CA11: variants seen among roughly 807,000 people sequenced by gnomAD.
The protein encoded by CA11 is carbonic anhydrase-related protein 11.
CA11 carries 20 observed loss-of-function variants against 39.3 expected under a neutral mutation model. That is an observed-to-expected ratio of 0.51 (90% CI 0.36 to 0.74). The LOEUF is 0.74. Among genes scored for constraint, CA11 ranks in the 30% least tolerant of loss-of-function variants. The pLI, the probability that CA11 is intolerant of heterozygous loss-of-function variation, is 0.00. For synonymous variants in CA11, 166 were observed against 172.5 expected (o/e 0.96, Z 0.29); for missense variants, 336 against 424.6 (o/e 0.79, Z 1.83).
rs755181739 is a variant in CA11, at chr19:48,640,131, C to T, written c.435G>A (p.Ser145=). Residue 145 remains serine, a synonymous_variant, in exon 4 of 9, where the codon TCG becomes TCA. Coordinates refer to ENST00000084798, the MANE Select transcript of CA11 (RefSeq NM_001217.5). ...LLFGARDGAG[S]EHQINHQGFS... ...AGCCCTGGTGGTTGATCTGATGTTC[C>T]GAGCCGGCTCCGTCGCGAGCTCCAA... 1.4e-5 allele frequency: 23 copies of T among 1,613,752 alleles called. No individual in the cohort carries two copies. The Admixed American group carries it at 3.7e-4, about 26-fold the overall frequency.
chr19:48,641,823 CTTTTTTTTTTTT>C (rs71179023), intron 3 of CA11, among the ~76,000 whole-genome samples: 1 of 92,290 alleles, frequency 1.1e-5, no homozygotes, highest in Non-Finnish European at 2.2e-5. Flanking sequence ...TTTCAATTTT[CTTTTTTTTTTTT>C]TTTTTTTTTT....
chr19:48,644,237 G>C (rs7255644), intron 3 of CA11, among the ~76,000 whole-genome samples, 190 bp downstream of exon 3: 9,216 of 152,146 alleles, frequency 0.061, 483 homozygotes, highest in East Asian at 0.28. Flanking sequence ...CAGAGATGGG[G>C]AGACTAGGGG....
Position 48,638,077 on chromosome 19 carries a change from G to C in CA11, c.*42C>G. 1 of 1,431,600 alleles carries C rather than the reference G, an allele frequency of 7.0e-7. No homozygotes were observed. Among genetic ancestry groups the C allele is most frequent in the Non-Finnish European group, 9.2e-7 (1 of 1,083,278 alleles). The allele number at this position is 1,431,600 out of a possible 1,614,324, so 88.7% of individuals were successfully genotyped here. On this transcript the variant is annotated 3_prime_UTR_variant, in exon 9 of 9. Coordinates refer to ENST00000084798, the MANE Select transcript of CA11 (RefSeq NM_001217.5). ...TAGGGGTAACTCCCCTCGCCTTGTG[G>C]GGAGGCTTAGGACGGGCGGGTGCAA...
rs961355589 is a variant in CA11 at position 48,645,810 on chromosome 19, C to T, written c.-178G>A. 3.6e-6 allele frequency: 2 copies of T among 552,840 alleles called. No individual in the cohort carries two copies. Among genetic ancestry groups the T allele is most frequent in the Admixed American group, 7.1e-5 (2 of 28,178 alleles). 34.2% of individuals were successfully genotyped at this position (552,840 alleles called of 1,614,324 possible). On this transcript the variant is annotated 5_prime_UTR_variant, in exon 1 of 9. Coordinates refer to ENST00000084798, the MANE Select transcript of CA11 (RefSeq NM_001217.5). The stretch of plus-strand genomic sequence containing the variant: ...AGGGACTGAGATCCGCCCTTCAAAC[C>T]CACTCTTCTTCTCTCTCCCGTCTCT...
rs896513845 is a variant in CA11, at chr19:48,637,965, C to A, written c.*154G>T. On this transcript the variant is annotated 3_prime_UTR_variant, in exon 9 of 9. Transcript: ENST00000084798. ...GATTGGTTTCCGGAAGAAGTCTGTT[C>A]TTTAATACCCAAATGTTTCCCCACC... 2 of 473,350 alleles carry A rather than the reference C, an allele frequency of 4.2e-6. No individual in the cohort carries two copies. The highest frequency in any genetic ancestry group is 2.0e-5 in the African/African-American group (1 of 49,380). The allele number at this position is 473,350 out of a possible 1,614,324, so 29.3% of individuals were successfully genotyped here.
At chr19:48,645,189 TCCACTCACTC>T (rs1159768316) in intron 2 of CA11, among the ~76,000 whole-genome samples, 1 of 152,022 alleles carries the variant, frequency 6.6e-6, no homozygotes, top group African/African-American at 2.4e-5. Context: ...ACACTTTCCT[TCCACTCACTC>T]CCACTCACTA....
intron 8 of CA11, 120 bp downstream of exon 8, chr19:48,638,768 C>G: frequency 9.1e-7 from 1 of 1,098,928 alleles, no homozygotes; most frequent in Non-Finnish European, 1.3e-6. Context: ...AGACAGCTCA[C>G]GAGGCTAGAC....
chr19:48,646,015 C>A lies in CA11; in HGVS notation c.-383G>T. 2.5e-6 allele frequency: 1 copy of A among 402,390 alleles called. No homozygotes were observed. Among genetic ancestry groups the A allele is most frequent in the South Asian group, 1.0e-4 (1 of 9,850 alleles). 24.9% of individuals were successfully genotyped at this position (402,390 alleles called of 1,614,324 possible). On this transcript the variant is annotated 5_prime_UTR_variant, in exon 1 of 9. The change creates a premature stop within an existing upstream ORF in the 5' untranslated region. Coordinates refer to ENST00000084798, the MANE Select transcript of CA11 (RefSeq NM_001217.5). ...TCCCAAGCCACCTAACTCCAGGTCT[C>A]CATCCCGCATCTCCTCCTCCTCCTC...
Position 48,646,138 on chromosome 19 carries a change from A to G in CA11, c.-506T>C. 9.2e-6 allele frequency: 2 copies of G among 217,374 alleles called. No homozygotes were observed. Among genetic ancestry groups the G allele is most frequent in the Admixed American group, 6.1e-5 (1 of 16,352 alleles). The allele number at this position is 217,374 out of a possible 1,614,324, so 13.5% of individuals were successfully genotyped here. On this transcript the variant is annotated 5_prime_UTR_variant, in exon 1 of 9. Transcript: ENST00000084798. ...CGGCCTCCAGCTTCGTGCTCTCCCC[A>G]CCTCCTCCTCTCCTGCCTCTTCTCC...
Position 48,644,501 on chromosome 19 carries a change from C to T in CA11, c.211G>A (p.Val71Met), listed in dbSNP as rs772287725. 5 of 1,611,924 alleles carry T rather than the reference C, an allele frequency of 3.1e-6. No homozygotes were observed. The highest frequency in any genetic ancestry group is 3.3e-5 in the Admixed American group (2 of 59,906). The change falls in exon 3 of 9, where the codon GTG becomes ATG. Residue 71 changes from valine to methionine, a missense_variant. Val to Met is a conservative substitution (Grantham distance 21, BLOSUM62 1). Coordinates refer to ENST00000084798, the MANE Select transcript of CA11 (RefSeq NM_001217.5). ...AGAACCCTCTTCAGCTCCACATCCA[C>T]GGGGCTCTGCCGCTTCCCCACAGCA... Reference protein sequence around the residue: ...LCAVGKRQSPVDVELKRVLYD... With the variant: ...LCAVGKRQSPMDVELKRVLYD...
chr19:48,638,598 G>GCA (rs1406170025), intron 8 of CA11, among the ~76,000 whole-genome samples: 5 of 152,114 alleles, frequency 3.3e-5, no homozygotes, highest in African/African-American at 1.2e-4. Context: ...GTAATAGGAA[G>GCA]CACAGAACAG....
chr19:48,638,069 G>A lies in CA11; in HGVS notation c.*50C>T, dbSNP rs2030895174. ...CTTTGTTTTAGGGGTAACTCCCCTC[G>A]CCTTGTGGGGAGGCTTAGGACGGGC... is the stretch of plus-strand genomic sequence containing the variant. On this transcript the variant is annotated 3_prime_UTR_variant, in exon 9 of 9. Coordinates refer to ENST00000084798, the MANE Select transcript of CA11 (RefSeq NM_001217.5). 4 of 1,391,302 alleles carry A rather than the reference G, an allele frequency of 2.9e-6. No individual in the cohort carries two copies. Among genetic ancestry groups the A allele is most frequent in the Non-Finnish European group, 3.8e-6 (4 of 1,049,616 alleles). 86.2% of individuals were successfully genotyped at this position (1,391,302 alleles called of 1,614,324 possible).
chr19:48,640,351 T>TTCTG, intron 3 of CA11, 71 bp from the exon 4 acceptor site: 1 of 1,207,066 alleles, frequency 8.3e-7, no homozygotes, highest in Non-Finnish European at 1.2e-6. Flanking sequence ...CGCCTACATT[T>TTCTG]TCTGATTCCA....
At position 48,640,078 on chromosome 19, in the gene CA11, C is replaced by A. The variant is rs1463009228; in HGVS notation, c.471+17G>T. On this transcript the variant is annotated intron_variant, in intron 4 of 8. Transcript: ENST00000084798. Reference sequence around the variant, plus strand: ...CTCAGGGCGGAGGGTGGCGGGTAAACAATCAGTGGCCACTACCTCAGCAGA... The same window carrying A: ...CTCAGGGCGGAGGGTGGCGGGTAAAAAATCAGTGGCCACTACCTCAGCAGA... 1.2e-6 allele frequency: 2 copies of A among 1,606,938 alleles called. No homozygotes were observed. The highest frequency in any genetic ancestry group is 1.7e-6 in the Non-Finnish European group (2 of 1,174,470).
chr19:48,639,593 C>G lies in CA11; in HGVS notation c.596G>C (p.Ser199Thr). 1 of 1,613,964 alleles carries G rather than the reference C, an allele frequency of 6.2e-7. No homozygotes were observed. The highest frequency in any genetic ancestry group is 8.5e-7 in the Non-Finnish European group (1 of 1,179,960). The change falls in exon 6 of 9, where the codon AGT becomes ACT. Residue 199 changes from serine to threonine, a missense_variant. By Grantham distance (58) the Ser-to-Thr change is moderately conservative. Coordinates refer to ENST00000084798, the MANE Select transcript of CA11 (RefSeq NM_001217.5). ...GATGGTGTCGCGGTTAAGGAGGCGA[C>G]TGAGGAATGGGTTAGAGGTACTGGC... ...NVASTSNPFL[S>T]RLLNRDTITR...
rs753674639 is a variant in CA11, at chr19:48,639,048, G to A, written c.801C>T (p.His267=). The A allele has an allele frequency of 4.3e-6, 7 of 1,613,990 alleles. No homozygotes were observed. Among genetic ancestry groups the A allele is most frequent in the Non-Finnish European group, 5.9e-6 (7 of 1,179,946 alleles). The stretch of plus-strand genomic sequence containing the variant: ...GATTCTGGCTCAGGAGTCTCAGGGA[G>A]TGCATCTGCAGTGGAAGGAGGGTGG... ...RALNITSLQM[H]SLRLLSQNPP... The change falls in exon 8 of 9, where the codon CAC becomes CAT. Residue 267 remains histidine, a synonymous_variant. Coordinates refer to ENST00000084798, the MANE Select transcript of CA11 (RefSeq NM_001217.5).
chr19:48,639,457 C>T lies in CA11; in HGVS notation c.643G>A (p.Asp215Asn). ...CTCAGGTCTTGAAGAAAGTAGGCAT[C>T]ATCTGCGGGAATATCAGGCCAGAGT... ...DTITRISYKN[D>N]AYFLQDLSLE... Residue 215 changes from aspartate (D) to asparagine (N), a missense_variant and splice_region_variant, in exon 7 of 9, where the codon GAT (aspartate) becomes AAT (asparagine). Asp to Asn is a conservative substitution (Grantham distance 23). Coordinates refer to ENST00000084798, the MANE Select transcript of CA11 (RefSeq NM_001217.5). The T allele has an allele frequency of 6.2e-7, 1 of 1,613,948 alleles. No homozygotes were observed. The highest frequency in any genetic ancestry group is 8.5e-7 in the Non-Finnish European group (1 of 1,179,960).
chr19:48,639,635 C>T lies in CA11; in HGVS notation c.568-14G>A. On this transcript the variant is annotated splice_polypyrimidine_tract_variant and intron_variant, in intron 5 of 8. Transcript: ENST00000084798. ...GGTACTGGCAACCTGTGTGGGGGTA[C>T]GAGGTGAGGACACAGGAGCCCAGAA... 1 of 1,613,422 alleles carries T rather than the reference C, an allele frequency of 6.2e-7. No individual in the cohort carries two copies. Among genetic ancestry groups the T allele is most frequent in the Non-Finnish European group, 8.5e-7 (1 of 1,179,678 alleles).
At chr19:48,640,810 G>A (rs1243317700) in intron 3 of CA11, among the ~76,000 whole-genome samples, 1 of 152,046 alleles carries the variant, frequency 6.6e-6, no homozygotes, top group African/African-American at 2.4e-5. Context: ...GAGTGGCTGG[G>A]ACTACAGGCG....
Sources: gnomAD v4.1 joint callset for allele counts (sites outside exome capture counted in the v4.1 genomes callset) on GRCh38, gnomAD v4.1.1 for gene constraint, MANE v1.5 for transcripts, NCBI Gene and HGNC (gene_info 2026-07-23, HGNC 2026-07-21) for gene names.